Variants in DTNBP1 observed in about 807,000 individuals in gnomAD.
DTNBP1 encodes dystrobrevin binding protein 1, also known as dysbindin.
A neutral mutation model predicts 42.8 loss-of-function variants in DTNBP1; 35 were observed. The ratio of observed to expected loss-of-function variants is 0.82; its 90% CI spans 0.63 to 1.09. DTNBP1 has a LOEUF of 1.09. Ranked by LOEUF, DTNBP1 falls within the 50% of genes least tolerant of loss-of-function variation. The pLI is 0.00. For missense variants in DTNBP1, 457 were observed against 424.2 expected (o/e 1.08, Z -0.68); for synonymous variants, 171 against 162.2 (o/e 1.05, Z -0.41).
chr6:15,534,861 A>G (rs1773120808), intron 7 of DTNBP1, among the ~76,000 whole-genome samples: 1 of 152,184 alleles, frequency 6.6e-6, no homozygotes, highest in Non-Finnish European at 1.5e-5. Flanking sequence ...AAAAAATTTT[A>G]TAATTTAAGG....
chr6:15,660,279 CT>C, intron 1 of DTNBP1: 1 of 1,143,174 alleles, frequency 8.7e-7, no homozygotes, highest in Non-Finnish European at 1.2e-6. Context: ...TTAGCGTCAT[CT>C]TTTCTCCTCA....
At chr6:15,648,255 T>G (rs1054280416) in intron 3 of DTNBP1, among the ~76,000 whole-genome samples, 4 of 151,990 alleles carry the variant, frequency 2.6e-5, no homozygotes, top group Non-Finnish European at 4.4e-5. Flanking sequence ...AATCTCAACA[T>G]AATAAAAATT....
At chr6:15,636,542 C>G (rs1760034273) in intron 4 of DTNBP1, among the ~76,000 whole-genome samples, 1 of 152,136 alleles carries the variant, frequency 6.6e-6, no homozygotes, top group Non-Finnish European at 1.5e-5. Context: ...ACCATGGTAA[C>G]AAATCAAGAA....
At chr6:15,545,929 G>A in intron 7 of DTNBP1, 1 of 366,616 alleles carries the variant, frequency 2.7e-6, no homozygotes, top group South Asian at 2.0e-5. Context: ...ACCGGGGTCT[G>A]ACTGCAGGGC....
intron 7 of DTNBP1, among the ~76,000 whole-genome samples, chr6:15,547,655 G>T (rs1278126989): frequency 6.6e-6 from 1 of 152,134 alleles, no homozygotes. Context: ...TCAACCTTAT[G>T]GGTGACAATA....
At chr6:15,575,610 C>A (rs1316903046) in intron 7 of DTNBP1, among the ~76,000 whole-genome samples, 2 of 152,214 alleles carry the variant, frequency 1.3e-5, no homozygotes. Flanking sequence ...GAGGCCAAAA[C>A]AGCTTTCAGT....
chr6:15,562,397 AAAAAG>A (rs1774883545), intron 7 of DTNBP1, among the ~76,000 whole-genome samples: 1 of 152,222 alleles, frequency 6.6e-6, no homozygotes, highest in African/African-American at 2.4e-5. Context: ...GAAAATTTAT[AAAAAG>A]AAAATATGTT....
chr6:15,618,293 C>T (rs1301311242), intron 5 of DTNBP1, among the ~76,000 whole-genome samples: 2 of 152,010 alleles, frequency 1.3e-5, no homozygotes, highest in African/African-American at 4.8e-5. Flanking sequence ...AAATACAAAT[C>T]GAAACCACAA....
rs142556431 is a variant in DTNBP1 at position 15,547,572 on chromosome 6, T to A, written c.512-14177A>T. Reference sequence around the variant, plus strand: ...TATCTCCTTAACTCTTGAAAATATCTGTGAAATTATCCAGAACGGAAGAGC... The same window carrying A: ...TATCTCCTTAACTCTTGAAAATATCAGTGAAATTATCCAGAACGGAAGAGC... On this transcript the variant is annotated intron_variant, in intron 7 of 9. Transcript: ENST00000344537. Among the ~76,000 whole-genome samples, 3 of 152,374 alleles carry A rather than the reference T, an allele frequency of 2.0e-5. No individual in the cohort carries two copies. The East Asian group carries it at 5.8e-4, about 29-fold the overall frequency.
intron 6 of DTNBP1, among the ~76,000 whole-genome samples, chr6:15,604,248 C>T (rs1208957946): frequency 6.6e-6 from 1 of 152,250 alleles, no homozygotes; most frequent in Non-Finnish European, 1.5e-5. Context: ...GTCCCTGTTA[C>T]TCCATCCTGG....
At chr6:15,536,539 G>A (rs965054196) in intron 7 of DTNBP1, among the ~76,000 whole-genome samples, 9 of 152,276 alleles carry the variant, frequency 5.9e-5, no homozygotes, top group Non-Finnish European at 1.3e-4. Flanking sequence ...GCGGGTGCAC[G>A]GAAGTCAAGA....
intron 3 of DTNBP1, among the ~76,000 whole-genome samples, chr6:15,639,564 C>G (rs567645676): frequency 1.3e-5 from 2 of 152,282 alleles, no homozygotes; most frequent in South Asian, 4.1e-4. Flanking sequence ...TGGAAGGTCA[C>G]ACAAATAATA....
chr6:15,662,967 GC>G lies in DTNBP1; in HGVS notation c.-99del. ...CGCCAACCCCGCGCTGTCACCGCGC[GC>G]CCCGCACTCCCACTACCGGCCCCGC... On this transcript the variant is annotated 5_prime_UTR_variant, in exon 1 of 10. Transcript: ENST00000344537. 6.5e-7 allele frequency: 1 copy of G among 1,538,314 alleles called. No homozygotes were observed. The highest frequency in any genetic ancestry group is 2.0e-4 in the Middle Eastern group (1 of 4,950).
intron 7 of DTNBP1, among the ~76,000 whole-genome samples, chr6:15,564,410 T>G (rs1162228633): frequency 6.6e-6 from 1 of 152,162 alleles, no homozygotes; most frequent in Non-Finnish European, 1.5e-5. Context: ...TTCCTTTCTT[T>G]TTTTTTGATT....
At chr6:15,552,786 T>G (rs1205492835) in intron 7 of DTNBP1, among the ~76,000 whole-genome samples, 1 of 152,234 alleles carries the variant, frequency 6.6e-6, no homozygotes, top group African/African-American at 2.4e-5. Context: ...TGATAACACA[T>G]GTTGATATTC....
chr6:15,603,568 A>G (rs1042224080), intron 6 of DTNBP1, among the ~76,000 whole-genome samples: 2 of 152,202 alleles, frequency 1.3e-5, no homozygotes, highest in African/African-American at 4.8e-5. Context: ...CTTTGATTAG[A>G]TACCAGACAT....
chr6:15,583,051 C>T (rs745390595), intron 7 of DTNBP1, among the ~76,000 whole-genome samples: 12 of 152,162 alleles, frequency 7.9e-5, no homozygotes, highest in Non-Finnish European at 1.3e-4. Context: ...GCCATCATAG[C>T]TCACTGCAGC....
rs752268924 is a variant in DTNBP1, at chr6:15,587,381, CTTTG to C, written c.511+5674_511+5677del. 6.6e-5 allele frequency among the ~76,000 whole-genome samples: 10 copies of C among 152,110 alleles called. No individual in the cohort carries two copies. Among genetic ancestry groups the C allele is most frequent in the Non-Finnish European group, 1.5e-4 (10 of 68,020 alleles). The stretch of plus-strand genomic sequence containing the variant: ...TATTCAAGTCTCAGTAGGCTCTTTC[CTTTG>C]TTAGAATTGTCAAAATGATCCTAAA... On this transcript the variant is annotated intron_variant, in intron 7 of 9. Transcript: ENST00000344537. This position sits in a 1 kb window ranked among gnomAD's most constrained non-coding sequence, Gnocchi z 4.1.
At chr6:15,555,948 A>C (rs1055072782) in intron 7 of DTNBP1, among the ~76,000 whole-genome samples, 1 of 152,170 alleles carries the variant, frequency 6.6e-6, no homozygotes, top group African/African-American at 2.4e-5. Context: ...CCACCAAGGG[A>C]CAACACTGGA....
Sources: gnomAD v4.1 joint callset for allele counts (sites outside exome capture counted in the v4.1 genomes callset) on GRCh38, gnomAD v4.1.1 for gene constraint, Gnocchi (gnomAD v3.1) non-coding constraint, MANE v1.5 for transcripts, NCBI Gene and HGNC (gene_info 2026-07-23, HGNC 2026-07-21) for gene names.